Variants in PRKD2 observed in about 807,000 individuals in gnomAD.
The protein encoded by PRKD2 is protein kinase D2, also known as serine/threonine-protein kinase D2.
Under a neutral mutation model 86.0 loss-of-function variants are expected in PRKD2, and 22 were observed. The ratio of observed to expected loss-of-function variants is 0.26; its 90% confidence interval spans 0.18 to 0.37. The LOEUF is 0.37. PRKD2 is among the 10% of genes least tolerant of loss of function. The pLI is 1.00. For missense variants in PRKD2, 818 were observed against 1,199.2 expected (o/e 0.68, Z 4.70); for synonymous variants, 509 against 510.9 (o/e 1.00, Z 0.05).
At chr19:46,681,583 T>TGCCCCCCCC in intron 15 of PRKD2, 67 bp downstream of exon 15, 19 of 671,496 alleles carry the variant, frequency 2.8e-5, no homozygotes, top group Non-Finnish European at 3.9e-5. Context: ...ATAATCCCCT[T>TGCCCCCCCC]CCCCACCCCC....
intron 16 of PRKD2, among the ~76,000 whole-genome samples, chr19:46,675,785 T>C (rs1339518670): frequency 1.3e-5 from 2 of 151,736 alleles, no homozygotes; most frequent in Non-Finnish European, 2.9e-5. Flanking sequence ...TTTTTTTTTT[T>C]GAGACAGGGT....
intron 7 of PRKD2, 81 bp from the exon 8 acceptor site, chr19:46,697,931 A>G: frequency 3.6e-6 from 4 of 1,115,358 alleles, no homozygotes; most frequent in Non-Finnish European, 5.4e-6. Flanking sequence ...CATCTCTGGG[A>G]AACTAGGGAG....
intron 1 of PRKD2, chr19:46,714,311 G>T: frequency 3.5e-6 from 4 of 1,144,324 alleles, no homozygotes; most frequent in Non-Finnish European, 2.2e-6. Context: ...GGTGGGAGGG[G>T]ATGCTGAATG....
At chr19:46,713,312 C>T (rs2053835233) in intron 2 of PRKD2, among the ~76,000 whole-genome samples, 1 of 151,524 alleles carries the variant, frequency 6.6e-6, no homozygotes, top group African/African-American at 2.4e-5. Context: ...CAGGTGTGAG[C>T]CACTGCAGCT....
At chr19:46,709,754 A>C (rs533173230) in intron 3 of PRKD2, among the ~76,000 whole-genome samples, 2 of 152,320 alleles carry the variant, frequency 1.3e-5, no homozygotes, top group South Asian at 4.1e-4. Flanking sequence ...GGTCTCATTC[A>C]ATCAGCTGAA....
At chr19:46,695,574 T>C (rs1324970907) in intron 9 of PRKD2, among the ~76,000 whole-genome samples, 1 of 152,174 alleles carries the variant, frequency 6.6e-6, no homozygotes, top group Non-Finnish European at 1.5e-5. Context: ...CCAAGGGCCC[T>C]AGGAAGCCAC....
At chr19:46,685,234 G>C (rs1170763002) in intron 14 of PRKD2, among the ~76,000 whole-genome samples, 1 of 149,828 alleles carries the variant, frequency 6.7e-6, no homozygotes, top group Non-Finnish European at 1.5e-5. Context: ...ACTCCAGCCT[G>C]GGTGACAGAG....
chr19:46,674,929 C>A, intron 17 of PRKD2, 104 bp downstream of exon 17: 1 of 1,279,670 alleles, frequency 7.8e-7, no homozygotes, highest in Non-Finnish European at 1.1e-6. Context: ...ACATTCCAGA[C>A]CCAAGGAAAC....
At position 46,710,981 on chromosome 19, in the gene PRKD2, T is replaced by C; in HGVS notation, c.437A>G (p.Tyr146Cys). 1.9e-6 allele frequency: 3 copies of C among 1,578,204 alleles called. No homozygotes were observed. Among genetic ancestry groups the C allele is most frequent in the Non-Finnish European group, 8.6e-7 (1 of 1,162,042 alleles). ...IRPHALTVHS[Y>C]RAPAFCDHCG... ...GTGATCACAGAAGGCAGGCGCCCGA[T>C]AGGAGTGCACCGTGAGGGCGTGCGG... Residue 146 changes from tyrosine to cysteine, a missense_variant, in exon 3 of 18, where the codon TAT becomes TGT. By Grantham distance (194) the Tyr-to-Cys change is radical. Transcript: ENST00000291281.
At chr19:46,679,028 C>A (rs577173579) in intron 15 of PRKD2, among the ~76,000 whole-genome samples, 3 of 152,238 alleles carry the variant, frequency 2.0e-5, no homozygotes, top group Middle Eastern at 6.8e-3. Context: ...TTGAATAATG[C>A]AGATTTTTTT....
intron 1 of PRKD2, chr19:46,714,335 CT>C: frequency 9.4e-7 from 1 of 1,063,040 alleles, no homozygotes; most frequent in Non-Finnish European, 1.1e-6. Flanking sequence ...ACTCCCTCCC[CT>C]GTGCCTCCTC....
At chr19:46,695,353 C>G (rs1460733963) in intron 9 of PRKD2, among the ~76,000 whole-genome samples, 2 of 152,230 alleles carry the variant, frequency 1.3e-5, no homozygotes, top group Admixed American at 6.5e-5. Flanking sequence ...GGCGTGGTGG[C>G]ACACCTATAA....
intron 14 of PRKD2, 28 bp downstream of exon 14, chr19:46,689,509 C>A (rs373194627): frequency 1.3e-6 from 2 of 1,567,954 alleles, no homozygotes; most frequent in East Asian, 4.6e-5. Flanking sequence ...TGGGGAGGGG[C>A]GGGTGGCAGC....
In PRKD2 at chr19:46,697,791, T is replaced by G. The variant is rs767550862; in HGVS notation, c.1181A>C (p.Lys394Thr). ...ACCCTCCCGCAGCGTGGTGCTGGAT[T>G]TCCGCGTCGTGTGTCGCACCGATTG... is the stretch of plus-strand genomic sequence containing the variant. Reference protein sequence around the residue: ...VVQSVRHTTRKSSTTLREGWV... With the variant: ...VVQSVRHTTRTSSTTLREGWV... Residue 394 changes from lysine to threonine, a missense_variant, in exon 8 of 18, where the codon AAA becomes ACA. Lys to Thr is a moderately conservative substitution (Grantham distance 78). Transcript: ENST00000291281. 1.2e-6 allele frequency: 2 copies of G among 1,613,996 alleles called. No individual in the cohort carries two copies. The highest frequency in any genetic ancestry group is 1.7e-6 in the Non-Finnish European group (2 of 1,180,024).
At chr19:46,708,178 C>G (rs1051194671) in intron 3 of PRKD2, among the ~76,000 whole-genome samples, 1 of 152,086 alleles carries the variant, frequency 6.6e-6, no homozygotes, top group East Asian at 1.9e-4. Flanking sequence ...ATGTCTGTGT[C>G]TCCCCCAAAA....
intron 3 of PRKD2, among the ~76,000 whole-genome samples, chr19:46,705,041 C>T (rs943512910): frequency 7.9e-5 from 12 of 151,730 alleles, no homozygotes; most frequent in Non-Finnish European, 1.6e-4. Flanking sequence ...CCAAAATTTT[C>T]CCACTCCAAC....
intron 16 of PRKD2, among the ~76,000 whole-genome samples, chr19:46,675,854 C>T (rs1052513627): frequency 1.3e-5 from 2 of 152,112 alleles, no homozygotes; most frequent in African/African-American, 4.8e-5. Flanking sequence ...AAGCCTCCAC[C>T]TCCCCAGCTT....
In PRKD2 at chr19:46,716,587, C is replaced by T; in HGVS notation, c.-217G>A. ...TGGGTCAGAGGCCCGGAATCCAGGG[C>T]TCCCAGAAGATCAGAAAGGAGAAAA... On this transcript the variant is annotated 5_prime_UTR_variant, in exon 1 of 18. Coordinates refer to ENST00000291281, the MANE Select transcript of PRKD2 (RefSeq NM_016457.5). This position sits in a 1 kb window ranked among gnomAD's most constrained non-coding sequence, Gnocchi z 7.9. 2.4e-6 allele frequency: 1 copy of T among 409,182 alleles called. No individual in the cohort carries two copies. The highest frequency in any genetic ancestry group is 4.3e-6 in the Non-Finnish European group (1 of 231,672). 25.3% of individuals were successfully genotyped at this position (409,182 alleles called of 1,614,324 possible). A position where few individuals can be genotyped will look rare whatever the true frequency, so the allele number is the denominator to read the frequency against.
chr19:46,695,372 A>C (rs571416434), intron 9 of PRKD2, among the ~76,000 whole-genome samples: 28 of 152,338 alleles, frequency 1.8e-4, no homozygotes, highest in African/African-American at 6.7e-4. Context: ...AATCCTAGCT[A>C]CTTGGGAGGC....
Sources: allele counts gnomAD v4.1 joint callset (sites outside exome capture counted in the v4.1 genomes callset), GRCh38; gene constraint gnomAD v4.1.1; non-coding constraint Gnocchi (gnomAD v3.1); transcripts MANE v1.5; gene names NCBI Gene and HGNC (gene_info 2026-07-23, HGNC 2026-07-21).